WDR44: variants seen among roughly 807,000 people sequenced by gnomAD.
WDR44 encodes the protein WD repeat-containing protein 44.
In WDR44, 9 loss-of-function variants were observed where a neutral mutation model predicts 65.7. The observed-to-expected ratio is 0.14, with a 90% CI of 0.08 to 0.24. WDR44 has a LOEUF of 0.24. WDR44 is among the 10% of genes least tolerant of loss of function. WDR44 has a pLI of 1.00. For missense variants in WDR44, 425 were observed against 670.9 expected (o/e 0.63, Z 4.05); for synonymous variants, 220 against 235.2 (o/e 0.94, Z 0.59).
In WDR44 at chrX:118,449,552, T is replaced by C. The variant is rs1382380137; in HGVS notation, c.*565T>C. On this transcript the variant is annotated 3_prime_UTR_variant, in exon 20 of 20. Transcript: ENST00000254029. The stretch of plus-strand genomic sequence containing the variant: ...TTGGGGACAAGATTTTTTTGTGGTC[T>C]AAATTGTGGGCTTAAGATTCTTTTC... The C allele has an allele frequency of 4.5e-5, 5 of 111,548 alleles. No individual in the cohort carries two copies. Among genetic ancestry groups the C allele is most frequent in the Non-Finnish European group, 9.4e-5 (5 of 53,020 alleles). 9.2% of individuals were successfully genotyped at this position (111,548 alleles called of 1,213,427 possible).
At chrX:118,400,881 C>A (rs1298194730) in intron 8 of WDR44, among the ~76,000 whole-genome samples, 1 of 98,120 alleles carries the variant, frequency 1.0e-5, no homozygotes, top group African/African-American at 3.8e-5. Context: ...CATGTGATCT[C>A]ATTGTTCAAT....
At chrX:118,352,352 A>ATATATATTTTTTTTTT (rs1357425730) in intron 1 of WDR44, among the ~76,000 whole-genome samples, 2 of 14,224 alleles carry the variant, frequency 1.4e-4, no homozygotes, top group Non-Finnish European at 2.1e-4. Flanking sequence ...ATATATATAT[A>ATATATATTTTTTTTTT]TTTTTTTTTT....
At chrX:118,437,993 G>A (rs752326552) in intron 14 of WDR44, among the ~76,000 whole-genome samples, 3 of 108,013 alleles carry the variant, frequency 2.8e-5, no homozygotes, top group Non-Finnish European at 5.7e-5. Flanking sequence ...CTGAGATCGC[G>A]CCAGCCTGGG....
chrX:118,400,803 A>G (rs1374654156), intron 8 of WDR44, among the ~76,000 whole-genome samples: 13 of 103,749 alleles, frequency 1.3e-4, no homozygotes, highest in African/African-American at 2.8e-4. Flanking sequence ...ATATCTCCCA[A>G]TGCTATCCCT....
chrX:118,384,806 A>G (rs1478449589), intron 2 of WDR44, among the ~76,000 whole-genome samples: 1 of 111,769 alleles, frequency 8.9e-6, no homozygotes, highest in Non-Finnish European at 1.9e-5. Context: ...CTTCCTATCC[A>G]TGAGCTTGGA....
At chrX:118,350,971 CAT>C (rs1274055561) in intron 1 of WDR44, among the ~76,000 whole-genome samples, 1 of 111,701 alleles carries the variant, frequency 9.0e-6, no homozygotes, top group East Asian at 2.8e-4. Context: ...TCACTTATAC[CAT>C]GCTACCATGT....
intron 8 of WDR44, among the ~76,000 whole-genome samples, chrX:118,400,489 A>C (rs779949491): frequency 5.5e-4 from 62 of 112,068 alleles, no homozygotes; most frequent in African/African-American, 2.0e-3. Context: ...TTGGCTTTTA[A>C]AGTGGTAGTA....
Position 118,387,354 on chromosome X carries a change from T to C in WDR44, c.126T>C (p.Thr42=). The change falls in exon 3 of 20, where the codon ACT becomes ACC. Residue 42 remains threonine, a synonymous_variant. Transcript: ENST00000254029. ...GLSTFKETEN[T]AYKVGNESPV... is the part of the protein sequence containing the mutation. ...TTTTCAAACAGGAAACAGAGAACAC[T>C]GCATACAAAGTTGGAAATGAGTCCC... The C allele has an allele frequency of 8.4e-7, 1 of 1,196,139 alleles. No homozygotes were observed. Among genetic ancestry groups the C allele is most frequent in the Non-Finnish European group, 1.1e-6 (1 of 886,868 alleles).
chrX:118,419,349 G>A (rs776293325), intron 12 of WDR44, among the ~76,000 whole-genome samples: 198 of 111,984 alleles, frequency 1.8e-3, no homozygotes, highest in Non-Finnish European at 3.2e-3. Flanking sequence ...AGCTCCCAAG[G>A]CTTTCCTGCT....
intron 2 of WDR44, among the ~76,000 whole-genome samples, chrX:118,384,193 G>GA (rs199504634): frequency 0.015 from 1,638 of 110,908 alleles, 17 homozygotes; most frequent in Non-Finnish European, 0.024. Context: ...ATTAACTGAA[G>GA]AAAAAACAGA....
At chrX:118,352,910 AT>A (rs1297842623) in intron 1 of WDR44, among the ~76,000 whole-genome samples, 1 of 111,660 alleles carries the variant, frequency 9.0e-6, no homozygotes, top group African/African-American at 3.3e-5. Flanking sequence ...AAATCCCATC[AT>A]TTTGATACAC....
intron 2 of WDR44, among the ~76,000 whole-genome samples, chrX:118,378,736 T>TGTGTGTGTGTGTGTGTGTGTGTG (rs1569362857): frequency 7.9e-4 from 48 of 61,041 alleles, no homozygotes; most frequent in African/African-American, 6.7e-3. Flanking sequence ...GTGTGTGTGT[T>TGTGTGTGTGTGTGTGTGTGTGTG]GAAAAAGTGA....
intron 11 of WDR44, among the ~76,000 whole-genome samples, chrX:118,410,000 G>A (rs1029955662): frequency 8.9e-6 from 1 of 111,872 alleles, no homozygotes; most frequent in African/African-American, 3.2e-5. Context: ...AAAAAGTCAT[G>A]GAAAATGAAT....
intron 10 of WDR44, among the ~76,000 whole-genome samples, chrX:118,408,299 T>C (rs1290793079): frequency 1.8e-5 from 2 of 111,873 alleles, no homozygotes; most frequent in Non-Finnish European, 3.8e-5. Context: ...CATACTTTCC[T>C]ATTGTTCTCA....
chrX:118,386,587 G>T, intron 2 of WDR44: 1 of 292,720 alleles, frequency 3.4e-6, no homozygotes. Flanking sequence ...CCCTGAATGT[G>T]GTTTTCTGTG....
rs2057126482 is a variant in WDR44 at position 118,423,847 on chromosome X, G to A, written c.1738-8934G>A. Among the ~76,000 whole-genome samples, 3 of 112,092 alleles carry A rather than the reference G, an allele frequency of 2.7e-5. No homozygotes were observed. The Admixed American group carries it at 2.9e-4, about 11-fold the overall frequency. On this transcript the variant is annotated intron_variant, in intron 12 of 19. Coordinates refer to ENST00000254029, the MANE Select transcript of WDR44 (RefSeq NM_019045.5). The stretch of plus-strand genomic sequence containing the variant: ...AGATTCATCATATAAGTGGCATTAT[G>A]TAGTATTTGTCCAAAAAGTATCTGG...
intron 12 of WDR44, among the ~76,000 whole-genome samples, chrX:118,415,073 G>A (rs897335484): frequency 2.7e-5 from 3 of 111,804 alleles, no homozygotes; most frequent in Admixed American, 9.5e-5. Flanking sequence ...ATTTTGCTGA[G>A]AGTTTTAATC....
intron 12 of WDR44, among the ~76,000 whole-genome samples, chrX:118,430,579 C>T (rs190635413): frequency 1.9e-5 from 2 of 107,577 alleles, no homozygotes; most frequent in African/African-American, 3.4e-5. Context: ...GTGGCTCACA[C>T]CTGTAATCCC....
chrX:118,353,889 ATGTT>A lies in WDR44; in HGVS notation c.77+7312_77+7315del, dbSNP rs889971328. Reference sequence around the variant, plus strand: ...ATGATTTCTATAGGTTGTAGAAAGAATGTTTGGCCTTTAGATTAATTCATTTTAA... The same window carrying A: ...ATGATTTCTATAGGTTGTAGAAAGAATGGCCTTTAGATTAATTCATTTTAA... On this transcript the variant is annotated intron_variant, in intron 1 of 19. Coordinates refer to ENST00000254029, the MANE Select transcript of WDR44 (RefSeq NM_019045.5). 3.5e-4 allele frequency among the ~76,000 whole-genome samples: 39 copies of A among 112,600 alleles called. 1 individual carries two copies. Among genetic ancestry groups the A allele is most frequent in the Middle Eastern group, 9.2e-3 (2 of 217 alleles).
Sources: gnomAD v4.1 joint callset for allele counts (sites outside exome capture counted in the v4.1 genomes callset) on GRCh38, gnomAD v4.1.1 for gene constraint, MANE v1.5 for transcripts, NCBI Gene and HGNC (gene_info 2026-07-23, HGNC 2026-07-21) for gene names.